The following SOX5 variants were observed in gnomAD, a reference collection of about 807,000 sequenced individuals.
The protein encoded by SOX5 is SRY-box transcription factor 5, also known as transcription factor SOX-5.
In SOX5, 9 loss-of-function variants were observed where a neutral mutation model predicts 92.0. The observed-to-expected ratio is 0.10, with a 90% CI of 0.06 to 0.17. SOX5 has a LOEUF of 0.17. SOX5 is among the 10% of genes least tolerant of loss of function. The pLI is 1.00. For missense variants in SOX5, 642 were observed against 944.5 expected, an observed-to-expected ratio of 0.68 and a Z score of 4.20; for synonymous variants, 344 against 336.3, an observed-to-expected ratio of 1.02 and a Z score of -0.25.
At chr12:24,027,124 C>T (rs1954973791) in intron 4 of SOX5, among the ~76,000 whole-genome samples, 1 of 151,982 alleles carries the variant, frequency 6.6e-6, no homozygotes, top group Admixed American at 6.6e-5. Flanking sequence ...TCTGCAACTA[C>T]AAAATACTCC....
rs140674471 is a variant in SOX5 at position 24,435,743 on chromosome 12, T to C, written c.-250-67104A>G. 1.0e-3 allele frequency among the ~76,000 whole-genome samples: 156 copies of C among 150,848 alleles called. No homozygotes were observed. In the Middle Eastern group the frequency reaches 0.017, roughly 17 times the overall value. ...TTTATTGCATTTCACTTTATTGCACTTCACAGATACTGTGGTTTGTTTTTT... is the reference window on the plus strand; with the variant it reads ...TTTATTGCATTTCACTTTATTGCACCTCACAGATACTGTGGTTTGTTTTTT... On this transcript the variant is annotated intron_variant, in intron 1 of 4. Transcript: ENST00000446891.
At chr12:23,992,687 C>T (rs372928674) in intron 4 of SOX5, among the ~76,000 whole-genome samples, 20 of 152,054 alleles carry the variant, frequency 1.3e-4, no homozygotes, top group African/African-American at 4.8e-4. Flanking sequence ...TTATTTTCTT[C>T]TTTGAGGTTC....
intron 8 of SOX5, among the ~76,000 whole-genome samples, chr12:23,612,522 T>C (rs2076090352): frequency 6.6e-6 from 1 of 152,140 alleles, no homozygotes; most frequent in African/African-American, 2.4e-5. Flanking sequence ...AAAATCTTGA[T>C]GATTAATAGC....
intron 4 of SOX5, among the ~76,000 whole-genome samples, chr12:24,053,967 A>G (rs1357876157): frequency 6.6e-6 from 1 of 152,194 alleles, no homozygotes; most frequent in Admixed American, 6.5e-5. Context: ...GAAGTAATGA[A>G]ACAGAGATTC....
intron 2 of SOX5, among the ~76,000 whole-genome samples, chr12:24,318,065 G>T (rs960295835): frequency 4.6e-5 from 7 of 151,988 alleles, no homozygotes; most frequent in Admixed American, 1.3e-4. Flanking sequence ...ACAAAAATTA[G>T]CTGGGCATGG....
intron 3 of SOX5, among the ~76,000 whole-genome samples, chr12:24,236,306 T>C (rs1594651711): frequency 6.6e-6 from 1 of 152,336 alleles, no homozygotes; most frequent in East Asian, 1.9e-4. Context: ...TCTATGTACC[T>C]AGTGCTGAGA....
At chr12:23,737,337 G>A (rs867070140) in intron 5 of SOX5, among the ~76,000 whole-genome samples, 5 of 152,002 alleles carry the variant, frequency 3.3e-5, no homozygotes, top group Middle Eastern at 3.4e-3. Flanking sequence ...TCAGGAGTTC[G>A]AGACCAGCCT....
chr12:24,325,338 A>T (rs781371597), intron 2 of SOX5, among the ~76,000 whole-genome samples: 1 of 152,200 alleles, frequency 6.6e-6, no homozygotes, highest in Non-Finnish European at 1.5e-5. Context: ...TTTATTTATG[A>T]CAGATTTTAG....
chr12:24,157,675 G>A (rs757873274), intron 4 of SOX5, among the ~76,000 whole-genome samples: 1 of 152,040 alleles, frequency 6.6e-6, no homozygotes, highest in Admixed American at 6.6e-5. Flanking sequence ...TGTCCTAATA[G>A]AAGCCTTATA....
chr12:23,668,921 T>C (rs1437412578), intron 6 of SOX5, among the ~76,000 whole-genome samples: 1 of 152,218 alleles, frequency 6.6e-6, no homozygotes, highest in African/African-American at 2.4e-5. Context: ...TACCTATCAA[T>C]TACTCATAGT....
intron 3 of SOX5, among the ~76,000 whole-genome samples, chr12:23,763,728 GCTTTT>G (rs2094628828): frequency 6.6e-6 from 1 of 151,586 alleles, no homozygotes; most frequent in African/African-American, 2.4e-5. Flanking sequence ...AATATCTAAA[GCTTTT>G]AAGCCAGTGC....
intron 1 of SOX5, among the ~76,000 whole-genome samples, chr12:24,451,939 C>T (rs573135688): frequency 1.3e-5 from 2 of 152,304 alleles, no homozygotes; most frequent in Middle Eastern, 3.4e-3. Flanking sequence ...CAGGTCTTCA[C>T]TTTCACATCT....
intron 2 of SOX5, among the ~76,000 whole-genome samples, chr12:23,852,276 ATTAAT>A (rs2096641786): frequency 6.6e-6 from 1 of 152,050 alleles, no homozygotes; most frequent in Admixed American, 6.6e-5. Flanking sequence ...AACCTTACAA[ATTAAT>A]TTGTGTCTTT....
chr12:24,253,169 C>T (rs2140176275), intron 3 of SOX5, among the ~76,000 whole-genome samples: 1 of 152,172 alleles, frequency 6.6e-6, no homozygotes, highest in East Asian at 1.9e-4. Flanking sequence ...AAGCGTATTC[C>T]TGCCAAGCTG....
chr12:24,325,155 TAAAA>T (rs938025227), intron 2 of SOX5, among the ~76,000 whole-genome samples: 2 of 146,214 alleles, frequency 1.4e-5, no homozygotes. Flanking sequence ...AAAAATAAGT[TAAAA>T]AAAAAACCCT....
At chr12:24,276,273 T>C (rs1029200033) in intron 3 of SOX5, among the ~76,000 whole-genome samples, 4 of 152,162 alleles carry the variant, frequency 2.6e-5, no homozygotes, top group African/African-American at 9.6e-5. Flanking sequence ...AGTATTTTAA[T>C]AATACTGTTT....
intron 4 of SOX5, among the ~76,000 whole-genome samples, chr12:24,093,247 C>T (rs1161382107): frequency 3.9e-5 from 6 of 152,038 alleles, no homozygotes; most frequent in Non-Finnish European, 7.4e-5. Flanking sequence ...AGCGGCTGGG[C>T]GCGGTGGCTC....
intron 1 of SOX5, among the ~76,000 whole-genome samples, chr12:24,553,375 T>C (rs1953408762): frequency 6.6e-6 from 1 of 152,210 alleles, no homozygotes. Flanking sequence ...ATTATCCATG[T>C]ATGGCATCTA....
intron 6 of SOX5, among the ~76,000 whole-genome samples, chr12:23,680,433 T>A (rs2086429205): frequency 7.4e-6 from 1 of 134,842 alleles, no homozygotes; most frequent in Non-Finnish European, 1.6e-5. Flanking sequence ...ATAAAAGAAA[T>A]CCAAAGAAAT....
Sources: allele counts gnomAD v4.1 joint callset (sites outside exome capture counted in the v4.1 genomes callset), GRCh38; gene constraint gnomAD v4.1.1; transcripts MANE v1.5; gene names NCBI Gene and HGNC (gene_info 2026-07-23, HGNC 2026-07-21).